The following PPP1R14D variants were observed in gnomAD, a reference collection of about 807,000 sequenced individuals.
PPP1R14D encodes protein phosphatase 1 regulatory inhibitor subunit 14D, also known as protein phosphatase 1 regulatory subunit 14D.
A neutral mutation model predicts 17.1 loss-of-function variants in PPP1R14D; 14 were observed. The ratio of observed to expected loss-of-function variants is 0.82; its 90% CI spans 0.54 to 1.28. PPP1R14D has a LOEUF of 1.28. Among genes scored for constraint, PPP1R14D ranks in the 50% most tolerant of loss-of-function variants. The probability of loss-of-function intolerance (pLI) is 0.00; values close to 1 mark genes in which losing one functional copy is unlikely to be tolerated. For synonymous variants in PPP1R14D, 67 were observed against 66.1 expected, an observed-to-expected ratio of 1.01 and a Z score of -0.06; for missense variants, 173 against 179.2, an observed-to-expected ratio of 0.97 and a Z score of 0.20.
rs765849707 is a variant in PPP1R14D, at chr15:40,828,678, G to T, written c.-37C>A. ...TCTGGGCAAGGAGCTGGGAAAAACC[G>T]CCAGTTCTGAGCAGAGCCACAGAGG... On this transcript the variant is annotated 5_prime_UTR_variant, in exon 1 of 4. Coordinates refer to ENST00000299174, the MANE Select transcript of PPP1R14D (RefSeq NM_017726.8). 3 of 1,570,882 alleles carry T rather than the reference G, an allele frequency of 1.9e-6. No homozygotes were observed. Among genetic ancestry groups the T allele is most frequent in the African/African-American group, 2.7e-5 (2 of 73,952 alleles).
chr15:40,823,995 T>C (rs1178930093), intron 1 of PPP1R14D, among the ~76,000 whole-genome samples: 2 of 139,300 alleles, frequency 1.4e-5, no homozygotes, highest in African/African-American at 5.7e-5. Context: ...TCCATCTCCA[T>C]TAAAAAAAAA....
At chr15:40,819,800 C>T (rs750314494) in intron 1 of PPP1R14D, among the ~76,000 whole-genome samples, 2 of 151,584 alleles carry the variant, frequency 1.3e-5, no homozygotes, top group African/African-American at 2.4e-5. Flanking sequence ...TGGAGGGGTG[C>T]TGTTGGGGAA....
chr15:40,821,037 G>T (rs949894153), intron 1 of PPP1R14D, among the ~76,000 whole-genome samples: 21 of 56,240 alleles, frequency 3.7e-4, no homozygotes, highest in African/African-American at 1.8e-3. Flanking sequence ...AAAAAAATAA[G>T]AAGAAAAAAA....
At chr15:40,828,316 C>A in intron 1 of PPP1R14D, 71 bp downstream of exon 1, 4 of 1,499,918 alleles carry the variant, frequency 2.7e-6, no homozygotes, top group Non-Finnish European at 3.6e-6. Context: ...CCTCCAGCTC[C>A]TGTGAAGGTC....
intron 1 of PPP1R14D, among the ~76,000 whole-genome samples, chr15:40,827,314 G>A (rs6492967): frequency 0.29 from 44,185 of 152,020 alleles, 7,315 homozygotes; most frequent in South Asian, 0.45. Context: ...TTCGAGACCA[G>A]CCTGACCAAC....
chr15:40,826,986 C>T (rs1025676577), intron 1 of PPP1R14D, among the ~76,000 whole-genome samples: 8 of 152,142 alleles, frequency 5.3e-5, no homozygotes, highest in African/African-American at 7.2e-5. Context: ...AAGAAAGTGC[C>T]GTTTCCAGTA....
rs772421896 is a variant in PPP1R14D at position 40,828,652 on chromosome 15, G to T, written c.-11C>A. 6.3e-6 allele frequency: 10 copies of T among 1,599,194 alleles called. No individual in the cohort carries two copies. The highest frequency in any genetic ancestry group is 8.5e-6 in the Non-Finnish European group (10 of 1,172,050). On this transcript the variant is annotated 5_prime_UTR_variant, in exon 1 of 4. Transcript: ENST00000299174. ...GCTTGAAGACAGCATGGAAGTATTG[G>T]TCTGGGCAAGGAGCTGGGAAAAACC...
intron 1 of PPP1R14D, among the ~76,000 whole-genome samples, chr15:40,821,344 A>G (rs1253993039): frequency 6.6e-6 from 1 of 152,078 alleles, no homozygotes; most frequent in Non-Finnish European, 1.5e-5. Flanking sequence ...CAAAACAAAC[A>G]AACAAACAAA....
rs1890854800 is a variant in PPP1R14D at position 40,825,415 on chromosome 15, T to A, written c.255+2972A>T. 2.6e-5 allele frequency among the ~76,000 whole-genome samples: 4 copies of A among 152,112 alleles called. No individual in the cohort carries two copies. In the South Asian group the frequency reaches 8.3e-4, roughly 31 times the overall value. The stretch of plus-strand genomic sequence containing the variant: ...AAGTCCCTGCTTAGAAGGCAAATCA[T>A]GCTCTACCTCCGGACAACAGGAGCT... On this transcript the variant is annotated intron_variant, in intron 1 of 3. Coordinates refer to ENST00000299174, the MANE Select transcript of PPP1R14D (RefSeq NM_017726.8).
chr15:40,821,559 C>T (rs771455211), intron 1 of PPP1R14D, among the ~76,000 whole-genome samples: 6 of 152,028 alleles, frequency 3.9e-5, no homozygotes, highest in African/African-American at 7.2e-5. Context: ...AAAAGAACTT[C>T]GATGACCTAT....
intron 1 of PPP1R14D, among the ~76,000 whole-genome samples, chr15:40,817,043 C>A (rs1267446291): frequency 6.6e-6 from 1 of 151,942 alleles, no homozygotes; most frequent in African/African-American, 2.4e-5. Context: ...TGCACTCCAG[C>A]CCGTCTGGGC....
intron 1 of PPP1R14D, among the ~76,000 whole-genome samples, chr15:40,827,955 G>C (rs1281390896): frequency 6.6e-6 from 1 of 151,586 alleles, no homozygotes; most frequent in Non-Finnish European, 1.5e-5. Context: ...ACAAAAGAAA[G>C]AAAGAAAGAA....
At position 40,828,579 on chromosome 15, in the gene PPP1R14D, C is replaced by G. The variant is rs1180975525; in HGVS notation, c.63G>C (p.Lys21Asn). The G allele has an allele frequency of 5.0e-6, 8 of 1,614,210 alleles. 1 individual carries two copies. The highest frequency in any genetic ancestry group is 4.4e-5 in the South Asian group (4 of 91,088). The change falls in exon 1 of 4, where the codon AAG becomes AAC. Residue 21 changes from lysine to asparagine, a missense_variant. By Grantham distance (94) the Lys-to-Asn change is moderately conservative. Transcript: ENST00000299174. ...SPSPDGENPC[K>N]KVHWASGRRR... ...TCCTCCCAGAAGCCCAGTGGACCTT[C>G]TTACATGGGTTCTCCCCATCTGGGC...
In PPP1R14D at chr15:40,820,557, AAAAG is replaced by A. The variant is rs1890757945; in HGVS notation, c.256-4308_256-4305del. ...CACAGTAATGAGAGATACAGAAGAT[AAAAG>A]AAAGAATCAGGCCAGGTACAGTGGC... is the stretch of plus-strand genomic sequence containing the variant. On this transcript the variant is annotated intron_variant, in intron 1 of 3. Coordinates refer to ENST00000299174, the MANE Select transcript of PPP1R14D (RefSeq NM_017726.8). Among the ~76,000 whole-genome samples, 12 of 152,208 alleles carry A rather than the reference AAAAG, an allele frequency of 7.9e-5. 1 individual carries two copies. In the South Asian group the frequency reaches 2.3e-3, roughly 29 times the overall value.
chr15:40,825,398 G>A (rs571350380), intron 1 of PPP1R14D, among the ~76,000 whole-genome samples: 9 of 152,218 alleles, frequency 5.9e-5, no homozygotes, highest in African/African-American at 2.2e-4. Context: ...TTAAGTCCCT[G>A]CTTAGAAGGC....
At chr15:40,817,445 A>G (rs2141984984) in intron 1 of PPP1R14D, 1 of 152,970 alleles carries the variant, frequency 6.5e-6, no homozygotes, top group Admixed American at 6.5e-5. Flanking sequence ...CCCACTAAAT[A>G]AGATATATAG....
In PPP1R14D at chr15:40,828,479, T is replaced by C; in HGVS notation, c.163A>G (p.Ser55Gly). The part of the protein sequence containing the change: ...SSKIPRSRRP[S>G]RLTVKYDRGQ... ...CGGTCATACTTCACTGTCAGGCGGC[T>C]GGGTCTCCGGGACCTGGGTATCTTG... is the stretch of plus-strand genomic sequence containing the variant. The change falls in exon 1 of 4, where the codon AGC becomes GGC. Residue 55 changes from serine (S) to glycine (G), a missense_variant. Coordinates refer to ENST00000299174, the MANE Select transcript of PPP1R14D (RefSeq NM_017726.8). 1 of 1,614,208 alleles carries C rather than the reference T, an allele frequency of 6.2e-7. No individual in the cohort carries two copies. Among genetic ancestry groups the C allele is most frequent in the African/African-American group, 1.3e-5 (1 of 75,060 alleles).
intron 1 of PPP1R14D, among the ~76,000 whole-genome samples, chr15:40,821,352 A>AAACG (rs1312582102): frequency 1.3e-5 from 2 of 152,102 alleles, no homozygotes; most frequent in Admixed American, 6.6e-5. Flanking sequence ...ACAAACAAAC[A>AAACG]AAACCAAATG....
intron 1 of PPP1R14D, among the ~76,000 whole-genome samples, chr15:40,820,512 G>A (rs1596126572): frequency 6.6e-6 from 1 of 151,844 alleles, no homozygotes; most frequent in African/African-American, 2.4e-5. Flanking sequence ...GATAGAATTA[G>A]CAGACAAGGA....
Sources: gnomAD v4.1 joint callset for allele counts (sites outside exome capture counted in the v4.1 genomes callset) on GRCh38, gnomAD v4.1.1 for gene constraint, MANE v1.5 for transcripts, NCBI Gene and HGNC (gene_info 2026-07-23, HGNC 2026-07-21) for gene names.